MAPRE2: variants seen among roughly 807,000 people sequenced by gnomAD.
MAPRE2 encodes the protein microtubule associated protein RP/EB family member 2, also known as microtubule-associated protein RP/EB family member 2.
Under a neutral mutation model 43.2 loss-of-function variants are expected in MAPRE2, and 13 were observed. That is an observed-to-expected ratio of 0.30 (90% CI 0.20 to 0.48). The LOEUF (loss-of-function observed/expected upper bound fraction) is 0.48, where lower values mean the gene tolerates loss of function less well. MAPRE2 is among the 20% of genes least tolerant of loss of function. The pLI, the probability that MAPRE2 is intolerant of heterozygous loss-of-function variation, is 0.99. For missense variants in MAPRE2, 161 were observed against 400.2 expected (o/e 0.40, Z 5.10); for synonymous variants, 135 against 148.8 (o/e 0.91, Z 0.68).
chr18:35,137,533 C>G (rs1482679211), intron 6 of MAPRE2, among the ~76,000 whole-genome samples: 4 of 152,194 alleles, frequency 2.6e-5, no homozygotes, highest in Non-Finnish European at 4.4e-5. Context: ...AAAACAGTTC[C>G]TCATTTCTGA....
intron 1 of MAPRE2, among the ~76,000 whole-genome samples, chr18:34,988,158 C>T (rs917462359): frequency 1.3e-5 from 2 of 152,096 alleles, no homozygotes; most frequent in Non-Finnish European, 2.9e-5. Flanking sequence ...CCCCAGATTC[C>T]TCTAAAACTG....
intron 1 of MAPRE2, among the ~76,000 whole-genome samples, chr18:35,049,394 A>G (rs972048712): frequency 6.6e-6 from 1 of 152,200 alleles, no homozygotes; most frequent in African/African-American, 2.4e-5. Context: ...TGTCATTTTT[A>G]AAATCCCCAC....
At chr18:35,005,614 A>G (rs1603389189) in intron 2 of MAPRE2, 1 of 1,000,930 alleles carries the variant, frequency 1.0e-6, no homozygotes. Context: ...TAAAGTGAGT[A>G]GTAATATTGT....
At chr18:35,094,844 G>T (rs570776657) in intron 2 of MAPRE2, among the ~76,000 whole-genome samples, 5 of 152,260 alleles carry the variant, frequency 3.3e-5, no homozygotes, top group Admixed American at 3.3e-4. Flanking sequence ...AACTCTAATG[G>T]TCCCTGTGTG....
upstream of MAPRE2, among the ~76,000 whole-genome samples, chr18:35,039,161 C>A (rs1448705977): frequency 6.6e-6 from 1 of 152,178 alleles, no homozygotes; most frequent in Admixed American, 6.5e-5. Context: ...ACTAAAGAAC[C>A]CAGATTGAGA....
chr18:35,072,169 C>G (rs1289479680), intron 2 of MAPRE2, among the ~76,000 whole-genome samples: 1 of 152,186 alleles, frequency 6.6e-6, no homozygotes, highest in South Asian at 2.1e-4. Context: ...TTTTAACTTG[C>G]TGCCAAAAAA....
intron 1 of MAPRE2, among the ~76,000 whole-genome samples, chr18:35,046,772 T>C (rs867934377): frequency 1.1e-4 from 16 of 152,172 alleles, no homozygotes; most frequent in African/African-American, 3.4e-4. Flanking sequence ...CAGGACTAGG[T>C]AGATGTTCTC....
intron 1 of MAPRE2, among the ~76,000 whole-genome samples, chr18:35,050,695 T>G (rs911040210): frequency 2.0e-5 from 3 of 152,160 alleles, no homozygotes; most frequent in Non-Finnish European, 2.9e-5. Flanking sequence ...TAATTGCCAA[T>G]TTTTTGGCCA....
At chr18:35,041,333 C>G (rs1189387110), upstream of MAPRE2, 1 of 1,431,986 alleles carries the variant, frequency 7.0e-7, no homozygotes, top group Non-Finnish European at 9.1e-7. Flanking sequence ...GGCCACGTGA[C>G]CAGGGTGCTG....
chr18:35,017,562 T>G (rs909323569), intron 2 of MAPRE2, among the ~76,000 whole-genome samples: 7 of 97,956 alleles, frequency 7.1e-5, no homozygotes, highest in Admixed American at 1.1e-4. Context: ...TTTTGTTTTT[T>G]GTTTTTTGTT....
chr18:35,134,985 A>G (rs1156918348), intron 6 of MAPRE2, among the ~76,000 whole-genome samples: 2 of 152,224 alleles, frequency 1.3e-5, no homozygotes, highest in African/African-American at 4.8e-5. Context: ...CCAAAATTCA[A>G]GAAGAGAATT....
intron 1 of MAPRE2, among the ~76,000 whole-genome samples, chr18:34,985,349 TTA>T (rs1195187003): frequency 8.9e-5 from 4 of 45,056 alleles, no homozygotes; most frequent in Non-Finnish European, 1.1e-4. Flanking sequence ...ATATATTATA[TTA>T]TATATATAAT....
chr18:34,978,919 T>C (rs1293560285), intron 1 of MAPRE2, among the ~76,000 whole-genome samples: 1 of 152,128 alleles, frequency 6.6e-6, no homozygotes, highest in African/African-American at 2.4e-5. Flanking sequence ...TGTTTGGGAG[T>C]GAGAAATAGG....
intron 5 of MAPRE2, among the ~76,000 whole-genome samples, chr18:35,131,086 A>G (rs763694954): frequency 1.3e-5 from 2 of 152,232 alleles, no homozygotes; most frequent in Non-Finnish European, 2.9e-5. Context: ...AAATTGAGAC[A>G]GATCCACTCA....
intron 2 of MAPRE2, among the ~76,000 whole-genome samples, chr18:35,016,764 C>G (rs1050719173): frequency 2.6e-5 from 4 of 152,026 alleles, no homozygotes; most frequent in African/African-American, 9.7e-5. Context: ...TATCTGTTTA[C>G]TTTGTTGATA....
At position 35,141,360 on chromosome 18, in the gene MAPRE2, A is replaced by G. The variant is rs1471874960; in HGVS notation, c.*991A>G. ...GCTCCAAGGCTCTGCACCATGCCAC[A>G]CACTTGCTGTAAGGCTAGAAGTGAA... On this transcript the variant is annotated 3_prime_UTR_variant, in exon 7 of 7. Transcript: ENST00000300249. 1 of 152,236 alleles carries G rather than the reference A, an allele frequency of 6.6e-6. No individual in the cohort carries two copies. The highest frequency in any genetic ancestry group is 1.5e-5 in the Non-Finnish European group (1 of 68,046). The allele number at this position is 152,236 out of a possible 1,614,324, so 9.4% of individuals were successfully genotyped here.
At chr18:34,997,084 ATTATTCATTTTTGTATCCC>A (rs1221190419) in intron 1 of MAPRE2, among the ~76,000 whole-genome samples, 3 of 152,308 alleles carry the variant, frequency 2.0e-5, no homozygotes, top group East Asian at 1.9e-4. Context: ...ACATTCATTC[ATTATTCATTTTTGTATCCC>A]TTATTCATTT....
At chr18:35,130,389 C>G (rs1406317798) in intron 5 of MAPRE2, among the ~76,000 whole-genome samples, 13 of 152,178 alleles carry the variant, frequency 8.5e-5, no homozygotes, top group Admixed American at 7.9e-4. Flanking sequence ...CAAACTGGTT[C>G]TCCACTGCTT....
At chr18:34,988,467 A>T (rs1220080355) in intron 1 of MAPRE2, 1 of 152,206 alleles carries the variant, frequency 6.6e-6, no homozygotes, top group East Asian at 1.9e-4. Context: ...GAGTTTTTTC[A>T]TCTGTCAAAT....
Sources: allele counts gnomAD v4.1 joint callset (sites outside exome capture counted in the v4.1 genomes callset), GRCh38; gene constraint gnomAD v4.1.1; transcripts MANE v1.5; gene names NCBI Gene and HGNC (gene_info 2026-07-23, HGNC 2026-07-21).